Variants in TNRC6B observed in about 807,000 individuals in gnomAD.
TNRC6B encodes trinucleotide repeat-containing gene 6B protein.
Under a neutral mutation model 203.6 loss-of-function variants are expected in TNRC6B, and 52 were observed. The ratio of observed to expected loss-of-function variants is 0.26; its 90% CI spans 0.20 to 0.32. TNRC6B has a LOEUF of 0.32. Among genes scored for constraint, TNRC6B ranks in the 10% least tolerant of loss-of-function variants. TNRC6B has a pLI of 1.00. For missense variants in TNRC6B, 1,923 were observed against 2,286.2 expected (o/e 0.84, Z 3.24); for synonymous variants, 838 against 845.7 (o/e 0.99, Z 0.16).
At chr22:40,282,085 CACTT>C (rs2070726773) in intron 11 of TNRC6B, among the ~76,000 whole-genome samples, 1 of 152,210 alleles carries the variant, frequency 6.6e-6, no homozygotes, top group Admixed American at 6.5e-5. Flanking sequence ...CTTCTGTGAC[CACTT>C]ACTTGTCACT....
chr22:40,056,360 A>C (rs2067795759), intron 1 of TNRC6B, among the ~76,000 whole-genome samples: 1 of 152,254 alleles, frequency 6.6e-6, no homozygotes, highest in Non-Finnish European at 1.5e-5. Flanking sequence ...TATTTGATCT[A>C]CATAACAAAG....
intron 1 of TNRC6B, among the ~76,000 whole-genome samples, chr22:40,221,340 G>C (rs952412028): frequency 8.5e-5 from 13 of 152,184 alleles, no homozygotes; most frequent in Non-Finnish European, 1.3e-4. Flanking sequence ...TACACCAGTT[G>C]AGTGCTCAGG....
chr22:40,160,267 G>A (rs1245751124), intron 4 of TNRC6B, among the ~76,000 whole-genome samples: 2 of 151,866 alleles, frequency 1.3e-5, no homozygotes, highest in African/African-American at 4.8e-5. Context: ...ACCTGAGGTC[G>A]GGAGTTCAAA....
intron 3 of TNRC6B, among the ~76,000 whole-genome samples, chr22:40,129,678 A>G (rs1292708950): frequency 6.6e-6 from 1 of 152,186 alleles, no homozygotes; most frequent in African/African-American, 2.4e-5. Context: ...AAAACTTTCT[A>G]GGGGGTGATG....
intron 12 of TNRC6B, among the ~76,000 whole-genome samples, chr22:40,292,372 A>G (rs1287507346): frequency 6.7e-6 from 1 of 149,180 alleles, no homozygotes; most frequent in Non-Finnish European, 1.5e-5. Flanking sequence ...AAAAAAAAGG[A>G]TGACACTGAA....
intron 1 of TNRC6B, among the ~76,000 whole-genome samples, chr22:40,209,858 A>G (rs1205361367): frequency 6.6e-6 from 1 of 152,054 alleles, no homozygotes; most frequent in Non-Finnish European, 1.5e-5. Context: ...GTCTCTACTA[A>G]AAATACAAAA....
chr22:40,274,567 G>C (rs1376427640), intron 7 of TNRC6B, among the ~76,000 whole-genome samples: 2 of 151,912 alleles, frequency 1.3e-5, no homozygotes. Context: ...ACTACAGGCA[G>C]CTGCCACCAC....
chr22:40,158,574 C>G (rs2068840457), intron 4 of TNRC6B, among the ~76,000 whole-genome samples: 1 of 152,156 alleles, frequency 6.6e-6, no homozygotes, highest in East Asian at 1.9e-4. Flanking sequence ...TGGGCAGATT[C>G]TCCTACAAGT....
At chr22:40,321,343 G>A (rs1268720419) in intron 22 of TNRC6B, 114 bp downstream of exon 22, 12 of 1,226,392 alleles carry the variant, frequency 9.8e-6, no homozygotes, top group South Asian at 5.7e-5. Context: ...GAATGGCACC[G>A]TCACACGTGC....
In TNRC6B at chr22:40,326,310, T is replaced by TA. The variant is rs891007385; in HGVS notation, c.*3076dup. ...TCAGAAAGTTTAAACAATTTTTACT[T>TA]AAAAAAATGTAAAAAGAAAAGTCTC... is the stretch of plus-strand genomic sequence containing the variant. On this transcript the variant is annotated 3_prime_UTR_variant, in exon 23 of 23. Coordinates refer to ENST00000454349, the MANE Select transcript of TNRC6B (RefSeq NM_001162501.2). 2.6e-5 allele frequency: 4 copies of TA among 152,514 alleles called. No homozygotes were observed. Among genetic ancestry groups the TA allele is most frequent in the Non-Finnish European group, 4.4e-5 (3 of 68,012 alleles). 9.4% of individuals were successfully genotyped at this position (152,514 alleles called of 1,614,324 possible).
intron 3 of TNRC6B, among the ~76,000 whole-genome samples, chr22:40,150,204 C>T (rs1457971094): frequency 1.1e-4 from 16 of 151,922 alleles, no homozygotes; most frequent in Admixed American, 3.9e-4. Context: ...GGTGAAACCC[C>T]GTCTCTACTA....
rs779895013 is a variant in TNRC6B, at chr22:40,310,927, T to A, written c.4369T>A (p.Leu1457Ile). 6.2e-7 allele frequency: 1 copy of A among 1,611,180 alleles called. No individual in the cohort carries two copies. Among genetic ancestry groups the A allele is most frequent in the Non-Finnish European group, 8.5e-7 (1 of 1,179,060 alleles). Reference protein sequence around the residue: ...GHTGPAGDSWLPAKSPPTNKI... With the variant: ...GHTGPAGDSWIPAKSPPTNKI... ...TACGGGTCCTGCTGGTGATAGCTGG[T>A]TACCTGCCAAATCTCCACCAACAAA... Residue 1457 changes from leucine to isoleucine, a missense_variant, in exon 17 of 23, where the codon TTA becomes ATA. Transcript: ENST00000454349.
chr22:40,239,686 T>G (rs2070000567), intron 1 of TNRC6B, among the ~76,000 whole-genome samples: 1 of 152,212 alleles, frequency 6.6e-6, no homozygotes, highest in Non-Finnish European at 1.5e-5. Context: ...TTGCATGGTC[T>G]CGGACCATTG....
At chr22:40,214,549 G>T (rs972900499) in intron 1 of TNRC6B, among the ~76,000 whole-genome samples, 49 of 148,278 alleles carry the variant, frequency 3.3e-4, no homozygotes, top group East Asian at 9.9e-4. Flanking sequence ...TCTTTCTGTG[G>T]TTTTTTTTTT....
At chr22:40,056,169 G>A (rs889520670) in intron 1 of TNRC6B, among the ~76,000 whole-genome samples, 10 of 152,022 alleles carry the variant, frequency 6.6e-5, no homozygotes, top group Non-Finnish European at 1.5e-5. Flanking sequence ...TTTCCGCTAA[G>A]TTGCTTTCAG....
At chr22:40,248,004 G>T (rs952908429) in intron 2 of TNRC6B, among the ~76,000 whole-genome samples, 1 of 152,126 alleles carries the variant, frequency 6.6e-6, no homozygotes, top group Non-Finnish European at 1.5e-5. Context: ...GAGCCCAGGA[G>T]GGGGAGGTTG....
At chr22:40,171,872 C>G (rs2069003268) in intron 4 of TNRC6B, among the ~76,000 whole-genome samples, 1 of 151,574 alleles carries the variant, frequency 6.6e-6, no homozygotes, top group Admixed American at 6.6e-5. Context: ...TTTCTCTTTT[C>G]TTTTTTTTGA....
intron 21 of TNRC6B, 64 bp downstream of exon 21, chr22:40,316,076 T>G: frequency 6.7e-7 from 1 of 1,486,236 alleles, no homozygotes; most frequent in East Asian, 2.3e-5. Flanking sequence ...AGGGAAAGGT[T>G]GGGCATGGTG....
chr22:40,103,267 CA>C (rs781514140), intron 1 of TNRC6B, among the ~76,000 whole-genome samples: 357 of 124,402 alleles, frequency 2.9e-3, no homozygotes, highest in Non-Finnish European at 3.2e-3. Flanking sequence ...CACCCTGTCT[CA>C]AAAAAAAAAA....
Sources: allele counts gnomAD v4.1 joint callset (sites outside exome capture counted in the v4.1 genomes callset), GRCh38; gene constraint gnomAD v4.1.1; transcripts MANE v1.5; gene names NCBI Gene and HGNC (gene_info 2026-07-23, HGNC 2026-07-21).